CLOCK: variants seen among roughly 807,000 people sequenced by gnomAD.
The protein encoded by CLOCK is clock circadian regulator, also known as circadian locomoter output cycles protein kaput.
In CLOCK, 43 loss-of-function variants were observed where a neutral mutation model predicts 118.4. That is an observed-to-expected ratio of 0.36 (90% CI 0.28 to 0.47). CLOCK has a LOEUF of 0.47. CLOCK is among the 20% of genes least tolerant of loss of function. The probability of loss-of-function intolerance (pLI) is 1.00; values close to 1 mark genes in which losing one functional copy is unlikely to be tolerated. For missense variants in CLOCK, 846 were observed against 999.9 expected (o/e 0.85, Z 2.08); for synonymous variants, 326 against 339.2 (o/e 0.96, Z 0.43).
chr4:55,468,548 T>A lies in CLOCK; in HGVS notation c.438+2169A>T, dbSNP rs1017680737. On this transcript the variant is annotated intron_variant, in intron 8 of 22. Transcript: ENST00000513440. ...ATAATGAATTAAAATATGGCCAATATGACATTATCAGTTCAAAGTCACATA... is the reference window on the plus strand; with the variant it reads ...ATAATGAATTAAAATATGGCCAATAAGACATTATCAGTTCAAAGTCACATA... Among the ~76,000 whole-genome samples the A allele has an allele frequency of 2.0e-5, 3 of 152,062 alleles. No individual in the cohort carries two copies. The South Asian group carries it at 6.2e-4, about 31-fold the overall frequency.
At position 55,450,376 on chromosome 4, in the gene CLOCK, A is replaced by G. The variant is rs558364255; in HGVS notation, c.1207-144T>C. 2.3e-4 allele frequency: 195 copies of G among 849,040 alleles called. No homozygotes were observed. The African/African-American group carries it at 3.0e-3, about 13-fold the overall frequency. The allele number at this position is 849,040 out of a possible 1,614,324, so 52.6% of individuals were successfully genotyped here. A position where few individuals can be genotyped will look rare whatever the true frequency, so the allele number is the denominator to read the frequency against. On this transcript the variant is annotated intron_variant, in intron 15 of 22. Transcript: ENST00000513440. The stretch of plus-strand genomic sequence containing the variant: ...TGTATGTACATACACATGTAAAGAA[A>G]TGAAAATTTATGTGTTATAGCCAGA...
chr4:55,443,427 G>A (rs955672070), intron 20 of CLOCK, among the ~76,000 whole-genome samples: 1 of 147,940 alleles, frequency 6.8e-6, no homozygotes, highest in South Asian at 2.2e-4. Flanking sequence ...GTAATCTAAG[G>A]TCACGCCATT....
Position 55,458,992 on chromosome 4 carries a change from T to C in CLOCK, c.692A>G (p.Asn231Ser), listed in dbSNP as rs147363479. Residue 231 changes from asparagine to serine, a missense_variant, in exon 11 of 23, where the codon AAT becomes AGT. Asn to Ser is a conservative substitution (Grantham distance 46). This residue lies in a region of CLOCK where 246 missense variants were observed against 300.2 expected (regional missense o/e 0.82). Coordinates refer to ENST00000513440, the MANE Select transcript of CLOCK (RefSeq NM_004898.4). ...GCGTTGTATAGTTCCTTCAAAACCA[T>C]TGTGTGCTGAAGAGGATACTAAAAC... ...SLNSVSSSAH[N>S]GFEGTIQRTH... is the part of the protein sequence containing the mutation. 1.6e-5 allele frequency: 26 copies of C among 1,613,146 alleles called. No homozygotes were observed. The highest frequency in any genetic ancestry group is 4.0e-5 in the African/African-American group (3 of 74,890).
In CLOCK at chr4:55,514,106, T is replaced by C. The variant is rs1397688591; in HGVS notation, c.-289-4041A>G. 2.0e-5 allele frequency among the ~76,000 whole-genome samples: 3 copies of C among 152,144 alleles called. No homozygotes were observed. In the East Asian group the frequency reaches 5.8e-4, roughly 29 times the overall value. ...AATCAGTATACATTTCTTTTCATTT[T>C]TTTATCTTACTGCATTAGCTAGAAC... On this transcript the variant is annotated intron_variant, in intron 1 of 22. Coordinates refer to ENST00000513440, the MANE Select transcript of CLOCK (RefSeq NM_004898.4).
intron 8 of CLOCK, among the ~76,000 whole-genome samples, chr4:55,464,572 T>G (rs1332684721): frequency 1.3e-5 from 2 of 152,186 alleles, no homozygotes; most frequent in Non-Finnish European, 2.9e-5. Flanking sequence ...TGAGACAGTA[T>G]CTCAAGGCCT....
At chr4:55,474,600 C>T (rs1433079077) in intron 7 of CLOCK, among the ~76,000 whole-genome samples, 3 of 152,160 alleles carry the variant, frequency 2.0e-5, no homozygotes, top group African/African-American at 7.2e-5. Flanking sequence ...TTCAAAGCTT[C>T]AAAAGACAAG....
chr4:55,528,465 G>T (rs189141236), intron 1 of CLOCK, among the ~76,000 whole-genome samples: 64 of 152,222 alleles, frequency 4.2e-4, no homozygotes, highest in Middle Eastern at 3.4e-3. Flanking sequence ...ATGAGATGAT[G>T]ATGGTGATAA....
intron 2 of CLOCK, among the ~76,000 whole-genome samples, chr4:55,496,092 G>A (rs140254619): frequency 0.018 from 2,777 of 152,138 alleles, 32 homozygotes; most frequent in Non-Finnish European, 0.024. Flanking sequence ...GGGAGGCTAA[G>A]GCAGGAGAAT....
At chr4:55,452,950 G>C (rs1248753426) in intron 15 of CLOCK, 104 bp downstream of exon 15, 1 of 802,786 alleles carries the variant, frequency 1.2e-6, no homozygotes, top group Non-Finnish European at 2.0e-6. Context: ...TTATAAGTGA[G>C]GAAATAAAGT....
At chr4:55,510,409 T>C (rs549314331) in intron 1 of CLOCK, among the ~76,000 whole-genome samples, 1 of 152,210 alleles carries the variant, frequency 6.6e-6, no homozygotes, top group Non-Finnish European at 1.5e-5. Flanking sequence ...GGCAGATCAC[T>C]TGAAGCCAGG....
chr4:55,481,046 T>C (rs754360467), intron 4 of CLOCK, among the ~76,000 whole-genome samples: 20 of 152,014 alleles, frequency 1.3e-4, no homozygotes, highest in Non-Finnish European at 2.6e-4. Context: ...TCCTAAAAAA[T>C]AAAATCAAGA....
chr4:55,545,804 A>C (rs945209341), intron 1 of CLOCK: 1 of 152,316 alleles, frequency 6.6e-6, no homozygotes, highest in Non-Finnish European at 1.5e-5. Context: ...ACCCAGCTTC[A>C]CTGGCGGAAA....
rs1722326399 is a variant in CLOCK at position 55,428,476 on chromosome 4, G to A, written c.*6939C>T. 6.6e-6 allele frequency: 1 copy of A among 152,172 alleles called. No individual in the cohort carries two copies. The highest frequency in any genetic ancestry group is 1.5e-5 in the Non-Finnish European group (1 of 68,028). The allele number at this position is 152,172 out of a possible 1,614,324, so 9.4% of individuals were successfully genotyped here. A position where few individuals can be genotyped will look rare whatever the true frequency, so the allele number is the denominator to read the frequency against. On this transcript the variant is annotated 3_prime_UTR_variant, in exon 23 of 23. Coordinates refer to ENST00000513440, the MANE Select transcript of CLOCK (RefSeq NM_004898.4). ...ATCCTTCATGTGTGTATGCAATTCAGAATTTCGGCAGAAGACAACAAATGG... is the reference window on the plus strand; with the variant it reads ...ATCCTTCATGTGTGTATGCAATTCAAAATTTCGGCAGAAGACAACAAATGG...
intron 2 of CLOCK, among the ~76,000 whole-genome samples, chr4:55,506,122 A>G (rs1027118050): frequency 6.6e-6 from 1 of 152,128 alleles, no homozygotes; most frequent in Non-Finnish European, 1.5e-5. Context: ...CCCTCTTCCA[A>G]TACTGAATCC....
intron 13 of CLOCK, among the ~76,000 whole-genome samples, chr4:55,454,858 C>A (rs958033347): frequency 2.0e-5 from 3 of 148,172 alleles, no homozygotes; most frequent in African/African-American, 5.0e-5. Context: ...CCCCCCACCC[C>A]CCAACCCCGC....
chr4:55,459,109 C>A lies in CLOCK; in HGVS notation c.673+39G>T. On this transcript the variant is annotated intron_variant, in intron 10 of 22. Coordinates refer to ENST00000513440, the MANE Select transcript of CLOCK (RefSeq NM_004898.4). Reference sequence around the variant, plus strand: ...TGTCTTTAAGAGCACAGAAAAATAACAAGTTAAAACACATTGTGAGAGAAG... The same window carrying A: ...TGTCTTTAAGAGCACAGAAAAATAAAAAGTTAAAACACATTGTGAGAGAAG... 4 of 1,475,852 alleles carry A rather than the reference C, an allele frequency of 2.7e-6. No individual in the cohort carries two copies. The South Asian group carries it at 3.4e-5, about 13-fold the overall frequency. 91.4% of individuals were successfully genotyped at this position (1,475,852 alleles called of 1,614,324 possible). A position where few individuals can be genotyped will look rare whatever the true frequency, so the allele number is the denominator to read the frequency against.
chr4:55,526,632 G>A (rs1730204089), intron 1 of CLOCK, among the ~76,000 whole-genome samples: 1 of 151,890 alleles, frequency 6.6e-6, no homozygotes, highest in East Asian at 1.9e-4. Context: ...TGGGGAAAAG[G>A]TGCAGTGTAG....
intron 8 of CLOCK, among the ~76,000 whole-genome samples, chr4:55,465,613 T>C (rs1725680896): frequency 1.3e-5 from 2 of 152,128 alleles, no homozygotes; most frequent in South Asian, 4.1e-4. Flanking sequence ...AGTAAAGGAT[T>C]TTTCTGGAAG....
At position 55,438,820 on chromosome 4, in the gene CLOCK, C is replaced by CA. The variant is rs1448746840; in HGVS notation, c.2106-284dup. ...TTAGATCCTTACCTCACATCACAGA[C>CA]AAAGATTAACTTGAAATGGACCAAA... On this transcript the variant is annotated intron_variant, in intron 21 of 22. Coordinates refer to ENST00000513440, the MANE Select transcript of CLOCK (RefSeq NM_004898.4). 8.5e-5 allele frequency among the ~76,000 whole-genome samples: 13 copies of CA among 152,278 alleles called. No individual in the cohort carries two copies. The East Asian group carries it at 2.5e-3, about 29-fold the overall frequency.
Sources: gnomAD v4.1 joint callset for allele counts (sites outside exome capture counted in the v4.1 genomes callset) on GRCh38, gnomAD v4.1.1 for gene constraint, gnomAD v4.1.1 regional missense constraint, MANE v1.5 for transcripts, NCBI Gene and HGNC (gene_info 2026-07-23, HGNC 2026-07-21) for gene names.